Variants in MYO5A observed in about 807,000 individuals in gnomAD.
MYO5A encodes the protein unconventional myosin-Va.
MYO5A carries 98 observed loss-of-function variants against 249.7 expected under a neutral mutation model. That is an observed-to-expected ratio of 0.39 (90% CI 0.33 to 0.46). The LOEUF (loss-of-function observed/expected upper bound fraction) is 0.46. MYO5A is among the 20% of genes least tolerant of loss of function. The probability of loss-of-function intolerance (pLI) is 0.98; values close to 1 mark genes in which losing one functional copy is unlikely to be tolerated. For missense variants in MYO5A, 1,696 were observed against 2,308.8 expected, an observed-to-expected ratio of 0.73 and a Z score of 5.44; for synonymous variants, 778 against 810.6, an observed-to-expected ratio of 0.96 and a Z score of 0.68.
chr15:52,324,001 TCAAAAAAAAAAAAAAAAAA>T (rs1412467472), intron 36 of MYO5A: 2 of 11,180 alleles, frequency 1.8e-4, no homozygotes, highest in African/African-American at 3.4e-4. Context: ...AGACTCTGTC[TCAAAAAAAAAAAAAAAAAA>T]AAAAAAAAAA....
chr15:52,446,781 G>A (rs965157352), intron 1 of MYO5A, among the ~76,000 whole-genome samples: 2 of 152,212 alleles, frequency 1.3e-5, no homozygotes, highest in African/African-American at 4.8e-5. Flanking sequence ...GGGACGTGTA[G>A]TCAAACAGGA....
At position 52,310,616 on chromosome 15, in the gene MYO5A, A is replaced by C. The variant is rs1437714536; in HGVS notation, c.*3080T>G. ...AGCACCAGGAAGGCCAGCAGGGGCA[A>C]CTGAGGACTGACTCCATCCACCTGC... On this transcript the variant is annotated 3_prime_UTR_variant, in exon 42 of 42. Transcript: ENST00000399233. 4.6e-5 allele frequency: 7 copies of C among 152,346 alleles called. No homozygotes were observed. Among genetic ancestry groups the C allele is most frequent in the African/African-American group, 1.7e-4 (7 of 41,464 alleles). The allele number at this position is 152,346 out of a possible 1,614,324, so 9.4% of individuals were successfully genotyped here.
intron 1 of MYO5A, among the ~76,000 whole-genome samples, chr15:52,497,837 A>G (rs910940108): frequency 2.6e-5 from 4 of 152,020 alleles, no homozygotes; most frequent in African/African-American, 9.6e-5. Flanking sequence ...ATTTTTGGAA[A>G]TAAAGCAATT....
At chr15:52,449,719 G>T (rs2075974362) in intron 1 of MYO5A, among the ~76,000 whole-genome samples, 1 of 152,192 alleles carries the variant, frequency 6.6e-6, no homozygotes, top group Non-Finnish European at 1.5e-5. Context: ...ATGCAGGCTT[G>T]CTAGGCACAG....
rs1005166376 is a variant in MYO5A, at chr15:52,311,259, G to C, written c.*2437C>G. 2.0e-5 allele frequency: 3 copies of C among 152,264 alleles called. No homozygotes were observed. The East Asian group carries it at 5.8e-4, about 29-fold the overall frequency. The allele number at this position is 152,264 out of a possible 1,614,324, so 9.4% of individuals were successfully genotyped here. ...GGTGCACGTTGAGTCGTGCTACACA[G>C]GATGAAGCTGGGGGAGGTCTGGGAG... On this transcript the variant is annotated 3_prime_UTR_variant, in exon 42 of 42. Coordinates refer to ENST00000399233, the MANE Select transcript of MYO5A (RefSeq NM_001382347.1).
In MYO5A at chr15:52,407,393, G is replaced by A. The variant is rs1391033624; in HGVS notation, c.845C>T (p.Ala282Val). Residue 282 changes from alanine (A) to valine (V), a missense_variant, in exon 8 of 42, where the codon GCA becomes GTA. Around this residue, in one of 5 missense-constraint regions of MYO5A, gnomAD observed 185 missense variants for 204.8 expected, o/e 0.90. Coordinates refer to ENST00000399233, the MANE Select transcript of MYO5A (RefSeq NM_001382347.1). ...PEFKMLRLGN[A>V]DNFNYTKQGG... Reference sequence around the variant, plus strand: ...TTGTTTTGTGTAATTAAAGTTATCTGCATTTCCTGTAATGAAGAAAAATAA... The same window carrying A: ...TTGTTTTGTGTAATTAAAGTTATCTACATTTCCTGTAATGAAGAAAAATAA... 1 of 1,611,494 alleles carries A rather than the reference G, an allele frequency of 6.2e-7. No homozygotes were observed. Among genetic ancestry groups the A allele is most frequent in the Non-Finnish European group, 8.5e-7 (1 of 1,177,720 alleles).
chr15:52,503,728 T>C (rs1480210826), intron 1 of MYO5A, among the ~76,000 whole-genome samples: 2 of 152,200 alleles, frequency 1.3e-5, no homozygotes, highest in Admixed American at 6.5e-5. Flanking sequence ...TGGAAACTTA[T>C]TATGTTCGTC....
Position 52,389,206 on chromosome 15 carries a change from C to A in MYO5A, c.1668+32G>T. ...TGGGTTTTTTCCACATTTAAGTATTCAAAAAGAAAAACTGATATAAAGCTT... is the reference window on the plus strand; with the variant it reads ...TGGGTTTTTTCCACATTTAAGTATTAAAAAAGAAAAACTGATATAAAGCTT... On this transcript the variant is annotated intron_variant, in intron 13 of 41. Transcript: ENST00000399233. 1.9e-6 allele frequency: 3 copies of A among 1,602,558 alleles called. No individual in the cohort carries two copies. The South Asian group carries it at 3.3e-5, about 18-fold the overall frequency.
Position 52,526,401 on chromosome 15 carries a change from T to C in MYO5A, c.27+2379A>G, listed in dbSNP as rs191390110. The stretch of plus-strand genomic sequence containing the variant: ...ATTTATTTATTTTTTGAGACAGAGT[T>C]TCGCTCTTGTTGCCCAGGCTCGCGA... On this transcript the variant is annotated intron_variant, in intron 1 of 41. Coordinates refer to ENST00000399233, the MANE Select transcript of MYO5A (RefSeq NM_001382347.1). Among the ~76,000 whole-genome samples the C allele has an allele frequency of 5.3e-4, 81 of 152,076 alleles. 3 individuals are homozygous for C. In the South Asian group the frequency reaches 6.8e-3, roughly 13 times the overall value.
Position 52,416,080 on chromosome 15 carries a change from C to A in MYO5A, c.612+65G>T, listed in dbSNP as rs2043468533. 1.1e-5 allele frequency: 17 copies of A among 1,579,498 alleles called. No individual in the cohort carries two copies. In the East Asian group the frequency reaches 3.8e-4, roughly 35 times the overall value. Reference sequence around the variant, plus strand: ...GCTTTCTGAGACATGCTGTATCAATCAATTTTTTGAGCATGTTTCTTATCA... The same window carrying A: ...GCTTTCTGAGACATGCTGTATCAATAAATTTTTTGAGCATGTTTCTTATCA... On this transcript the variant is annotated intron_variant, in intron 5 of 41. Coordinates refer to ENST00000399233, the MANE Select transcript of MYO5A (RefSeq NM_001382347.1).
intron 1 of MYO5A, among the ~76,000 whole-genome samples, chr15:52,460,365 C>G (rs896690484): frequency 1.3e-5 from 2 of 152,214 alleles, no homozygotes; most frequent in Non-Finnish European, 2.9e-5. Context: ...ACATTGAGCA[C>G]TGAGTGAGCG....
chr15:52,369,743 AT>A (rs2141082465), intron 22 of MYO5A, among the ~76,000 whole-genome samples: 1 of 152,154 alleles, frequency 6.6e-6, no homozygotes, highest in African/African-American at 2.4e-5. Flanking sequence ...CCAAAGACTG[AT>A]TTTGCAATTC....
rs759538529 is a variant in MYO5A at position 52,370,236 on chromosome 15, T to A, written c.2999A>T (p.Glu1000Val). 1 of 1,614,158 alleles carries A rather than the reference T, an allele frequency of 6.2e-7. No homozygotes were observed. The change falls in exon 22 of 42, where the codon GAG becomes GTG. Residue 1000 changes from glutamate (E) to valine (V), a missense_variant. By Grantham distance (121) the Glu-to-Val change is moderately radical (BLOSUM62 -2). Coordinates refer to ENST00000399233, the MANE Select transcript of MYO5A (RefSeq NM_001382347.1). ...EEIAKLRKDL[E>V]QTRSEKKCIE... Reference sequence around the variant, plus strand: ...GCATTTTTTCTCTGAACGAGTTTGCTCCAGGTCTTTCCGGAGCTTGGCAAT... The same window carrying A: ...GCATTTTTTCTCTGAACGAGTTTGCACCAGGTCTTTCCGGAGCTTGGCAAT...
chr15:52,439,545 C>T (rs1308261591), intron 1 of MYO5A, among the ~76,000 whole-genome samples: 1 of 152,118 alleles, frequency 6.6e-6, no homozygotes, highest in Non-Finnish European at 1.5e-5. Context: ...GTGGGCAGCA[C>T]ATATATGTTG....
chr15:52,367,407 A>G (rs1419486796), intron 22 of MYO5A, among the ~76,000 whole-genome samples: 3 of 152,230 alleles, frequency 2.0e-5, no homozygotes, highest in Non-Finnish European at 4.4e-5. Context: ...CTTTTCCAGA[A>G]TAGACTAGAA....
In MYO5A at chr15:52,353,087, A is replaced by T. The variant is rs1400833077; in HGVS notation, c.3621+518T>A. Among the ~76,000 whole-genome samples the T allele has an allele frequency of 2.0e-5, 3 of 152,202 alleles. 1 individual carries two copies. The highest frequency in any genetic ancestry group is 7.2e-5 in the African/African-American group (3 of 41,442). ...CTGGGGCGCACCCTCAGAGATTCTGATTCAATAAGTCTAGTAGTGTGAGGC... is the reference window on the plus strand; with the variant it reads ...CTGGGGCGCACCCTCAGAGATTCTGTTTCAATAAGTCTAGTAGTGTGAGGC... On this transcript the variant is annotated intron_variant, in intron 27 of 41. Coordinates refer to ENST00000399233, the MANE Select transcript of MYO5A (RefSeq NM_001382347.1).
intron 1 of MYO5A, among the ~76,000 whole-genome samples, chr15:52,503,698 A>T (rs1622405): frequency 0.79 from 119,852 of 152,118 alleles, 47,658 homozygotes; most frequent in South Asian, 0.85. Flanking sequence ...ATAAAAACTG[A>T]ATCAAAAAAA....
chr15:52,350,849 G>C (rs913108219), intron 28 of MYO5A, among the ~76,000 whole-genome samples: 1 of 152,078 alleles, frequency 6.6e-6, no homozygotes, highest in Non-Finnish European at 1.5e-5. Flanking sequence ...CTTCTAACCG[G>C]TTCATCTGTT....
At position 52,383,031 on chromosome 15, in the gene MYO5A, C is replaced by T. The variant is rs1049624206; in HGVS notation, c.2012+60G>A. 21 of 1,395,742 alleles carry T rather than the reference C, an allele frequency of 1.5e-5. No individual in the cohort carries two copies. In the Admixed American group the frequency reaches 3.5e-4, roughly 23 times the overall value. 86.5% of individuals were successfully genotyped at this position (1,395,742 alleles called of 1,614,324 possible). ...GTAAGGAAAATATTAGTTTGCTTGGCTGGTTTGGCACTTCTTATAAGATAT... is the reference window on the plus strand; with the variant it reads ...GTAAGGAAAATATTAGTTTGCTTGGTTGGTTTGGCACTTCTTATAAGATAT... On this transcript the variant is annotated intron_variant, in intron 16 of 41. Coordinates refer to ENST00000399233, the MANE Select transcript of MYO5A (RefSeq NM_001382347.1).
Sources: gnomAD v4.1 joint callset for allele counts (sites outside exome capture counted in the v4.1 genomes callset) on GRCh38, gnomAD v4.1.1 for gene constraint, gnomAD v4.1.1 regional missense constraint, MANE v1.5 for transcripts, NCBI Gene and HGNC (gene_info 2026-07-23, HGNC 2026-07-21) for gene names.